The following DHX38 variants were observed in gnomAD, a reference collection of about 807,000 sequenced individuals.
The protein encoded by DHX38 is pre-mRNA-splicing factor ATP-dependent RNA helicase PRP16.
In DHX38, 100 loss-of-function variants were observed where a neutral mutation model predicts 153.1. That is an observed-to-expected ratio of 0.65 (90% CI 0.56 to 0.77). The LOEUF (loss-of-function observed/expected upper bound fraction) is 0.77. Ranked by LOEUF, DHX38 falls within the 30% of genes least tolerant of loss-of-function variation. The pLI is 0.00. For synonymous variants in DHX38, 650 were observed against 631.7 expected (o/e 1.03, Z -0.43); for missense variants, 1,440 against 1,654.0 (o/e 0.87, Z 2.24).
chr16:72,102,180 C>G (rs1449284415), intron 11 of DHX38, among the ~76,000 whole-genome samples: 4 of 152,198 alleles, frequency 2.6e-5, no homozygotes, highest in African/African-American at 9.7e-5. Context: ...TTCGAATGCC[C>G]TTATGTTCTA....
Position 72,109,395 on chromosome 16 carries a change from C to T in DHX38, c.3382-20C>T. 2 of 1,611,498 alleles carry T rather than the reference C, an allele frequency of 1.2e-6. No homozygotes were observed. The highest frequency in any genetic ancestry group is 1.7e-6 in the Non-Finnish European group (2 of 1,179,332). ...ATTGGCCCTCCTGTGACCCTCGCCTCCCTGCCCTTCTGCCCGCAGGAGTAT... is the reference window on the plus strand; with the variant it reads ...ATTGGCCCTCCTGTGACCCTCGCCTTCCTGCCCTTCTGCCCGCAGGAGTAT... On this transcript the variant is annotated intron_variant, in intron 24 of 26. Transcript: ENST00000268482.
rs2144156985 is a variant in DHX38, at chr16:72,104,302, C to T, written c.2010+171C>T. ...TGTAGTTCATGCTGTTCTTGCTCTG[C>T]TGAGGGTGGCTTGGGGTTTTCTGGG... is the stretch of plus-strand genomic sequence containing the variant. On this transcript the variant is annotated intron_variant, in intron 14 of 26. Transcript: ENST00000268482. The surrounding 1 kb of genome is among the most constrained non-coding windows in gnomAD (Gnocchi z 4.5). The T allele has an allele frequency of 8.5e-7, 1 of 1,182,160 alleles. No homozygotes were observed. Among genetic ancestry groups the T allele is most frequent in the Non-Finnish European group, 1.2e-6 (1 of 860,210 alleles). 73.2% of individuals were successfully genotyped at this position (1,182,160 alleles called of 1,614,324 possible). A position where few individuals can be genotyped will look rare whatever the true frequency, so the allele number is the denominator to read the frequency against.
intron 11 of DHX38, 27 bp from the exon 12 acceptor site, chr16:72,103,047 G>A (rs1269099808): frequency 1.2e-6 from 2 of 1,612,260 alleles, no homozygotes; most frequent in East Asian, 2.2e-5. Flanking sequence ...CACCATGCAG[G>A]GTGTTTAGGC....
chr16:72,103,814 T>C, intron 13 of DHX38, 26 bp downstream of exon 13: 2 of 1,603,184 alleles, frequency 1.2e-6, no homozygotes, highest in Non-Finnish European at 1.7e-6. Flanking sequence ...GGCTGAGCCA[T>C]GTAGTTATTC....
In DHX38 at chr16:72,104,185, A is replaced by AC; in HGVS notation, c.2010+56dup. ...CGCATGGGGTGTTGACCAGTGCACC[A>AC]CCAGTAGCTAGTGGGTTGCTCCAGG... On this transcript the variant is annotated intron_variant, in intron 14 of 26. Coordinates refer to ENST00000268482, the MANE Select transcript of DHX38 (RefSeq NM_014003.4). The surrounding 1 kb of genome is among the most constrained non-coding windows in gnomAD (Gnocchi z 4.5). 1 of 1,584,698 alleles carries AC rather than the reference A, an allele frequency of 6.3e-7. No individual in the cohort carries two copies. Among genetic ancestry groups the AC allele is most frequent in the Non-Finnish European group, 8.6e-7 (1 of 1,160,832 alleles).
In DHX38 at chr16:72,108,269, G is replaced by A. The variant is rs749679563; in HGVS notation, c.3007G>A (p.Val1003Ile). 1 of 1,614,104 alleles carries A rather than the reference G, an allele frequency of 6.2e-7. No individual in the cohort carries two copies. Among genetic ancestry groups the A allele is most frequent in the Non-Finnish European group, 8.5e-7 (1 of 1,180,022 alleles). The stretch of plus-strand genomic sequence containing the variant: ...TGATCAAATCCGGGAGAAGTTCGCT[G>A]TTCCTGAGAGCGATCATTTGACCTA... ...ESDQIREKFA[V>I]PESDHLTYLN... The change falls in exon 22 of 27, where the codon GTT (valine) becomes ATT (isoleucine). Residue 1003 changes from valine (V) to isoleucine (I), a missense_variant. By Grantham distance (29) the Val-to-Ile change is conservative. Coordinates refer to ENST00000268482, the MANE Select transcript of DHX38 (RefSeq NM_014003.4).
Position 72,107,600 on chromosome 16 carries a change from C to A in DHX38, c.2810-45C>A. On this transcript the variant is annotated intron_variant, in intron 20 of 26. Coordinates refer to ENST00000268482, the MANE Select transcript of DHX38 (RefSeq NM_014003.4). The surrounding 1 kb of genome is among the most constrained non-coding windows in gnomAD (Gnocchi z 5.3). ...GTGCTGGCGCTTGACTTCCTTCTTT[C>A]CTCTACTGTCCCGTCAAATATCCGG... The A allele has an allele frequency of 6.2e-7, 1 of 1,609,538 alleles. No homozygotes were observed. The highest frequency in any genetic ancestry group is 8.5e-7 in the Non-Finnish European group (1 of 1,176,156).
At chr16:72,111,428 C>T (rs1439278983) in intron 26 of DHX38, among the ~76,000 whole-genome samples, 1 of 152,206 alleles carries the variant, frequency 6.6e-6, no homozygotes, top group African/African-American at 2.4e-5. Context: ...TTAGGCCAGA[C>T]TTGACAGGTC....
intron 1 of DHX38, 114 bp from the exon 2 acceptor site, chr16:72,096,025 T>C: frequency 9.1e-7 from 1 of 1,098,008 alleles, no homozygotes; most frequent in South Asian, 1.7e-5. Context: ...GTAGTCCTGG[T>C]CTTAAGGGGA....
rs1374152994 is a variant in DHX38 at position 72,105,080 on chromosome 16, C to T, written c.2205C>T (p.His735=). The T allele has an allele frequency of 1.9e-6, 3 of 1,614,224 alleles. No homozygotes were observed. Among genetic ancestry groups the T allele is most frequent in the East Asian group, 2.2e-5 (1 of 44,882 alleles). The change falls in exon 16 of 27, where the codon CAC becomes CAT. Residue 735 remains histidine (H), a synonymous_variant. Coordinates refer to ENST00000268482, the MANE Select transcript of DHX38 (RefSeq NM_014003.4). The part of the protein sequence containing the change: ...EAAVKQSLQV[H]LSGAPGDILI... The stretch of plus-strand genomic sequence containing the variant: ...CAGTGAAGCAGTCCTTGCAGGTGCA[C>T]CTGTCGGGGGCCCCTGGAGACATCC...
chr16:72,105,020 G>C lies in DHX38; in HGVS notation c.2152-7G>C, dbSNP rs1280461688. On this transcript the variant is annotated splice_region_variant and splice_polypyrimidine_tract_variant and intron_variant, in intron 15 of 26. Coordinates refer to ENST00000268482, the MANE Select transcript of DHX38 (RefSeq NM_014003.4). ...TCCCTCTGACTGTGTCCCCACTGCT[G>C]TTGCAGACCCCACAGGAGGATTACG... 1 of 1,613,430 alleles carries C rather than the reference G, an allele frequency of 6.2e-7. No homozygotes were observed. Among genetic ancestry groups the C allele is most frequent in the Non-Finnish European group, 8.5e-7 (1 of 1,179,722 alleles).
At chr16:72,099,337 T>G (rs978212860) in intron 7 of DHX38, 57 bp downstream of exon 7, 230 of 1,459,906 alleles carry the variant, frequency 1.6e-4, no homozygotes, top group Non-Finnish European at 2.0e-4. Flanking sequence ...TGTAGATGGG[T>G]GACCCTCTAG....
At chr16:72,109,303 CCT>C in intron 24 of DHX38, 110 bp from the exon 25 acceptor site, 1 of 1,202,952 alleles carries the variant, frequency 8.3e-7, no homozygotes, top group Non-Finnish European at 1.2e-6. Context: ...CTTTTTTCAG[CCT>C]TGCAGGGCCA....
chr16:72,097,261 A>C, intron 3 of DHX38: 1 of 426,684 alleles, frequency 2.3e-6, no homozygotes. Flanking sequence ...AAAGGAGATA[A>C]TGGGTAAATA....
chr16:72,109,652 T>C, intron 25 of DHX38, 142 bp downstream of exon 25: 2 of 736,770 alleles, frequency 2.7e-6, no homozygotes, highest in African/African-American at 3.7e-5. Flanking sequence ...AGGCTGGGTC[T>C]GTCTGATTCC....
chr16:72,097,710 C>T lies in DHX38; in HGVS notation c.545C>T (p.Ser182Leu). The T allele has an allele frequency of 6.2e-7, 1 of 1,614,106 alleles. No individual in the cohort carries two copies. Among genetic ancestry groups the T allele is most frequent in the Non-Finnish European group, 8.5e-7 (1 of 1,179,992 alleles). Residue 182 changes from serine (S) to leucine (L), a missense_variant, in exon 4 of 27, where the codon TCA (serine) becomes TTA (leucine). By Grantham distance (145) the Ser-to-Leu change is moderately radical. Around this residue, in one of 6 missense-constraint regions of DHX38, gnomAD observed 483 missense variants for 465.1 expected, o/e 1.04. Coordinates refer to ENST00000268482, the MANE Select transcript of DHX38 (RefSeq NM_014003.4). ...ERDRSRHSSRSERDGGSERSS... is the reference protein window; with the variant it reads ...ERDRSRHSSRLERDGGSERSS... ...GATAGAAGTAGGCACAGCAGCAGAT[C>T]AGAGCGAGATGGAGGGTCAGAGCGT...
At chr16:72,108,998 T>A in intron 24 of DHX38, 73 bp downstream of exon 24, 2 of 1,516,860 alleles carry the variant, frequency 1.3e-6, no homozygotes, top group Middle Eastern at 3.6e-4. Flanking sequence ...TTCACTGCGT[T>A]CTGGCATGAG....
In DHX38 at chr16:72,100,528, C is replaced by A; in HGVS notation, c.1209C>A (p.Ala403=). ...VDEDFEEDNA[A]KVHLMVHNLV... is the part of the protein sequence containing the mutation. ...AGGACTTTGAAGAGGACAACGCGGC[C>A]AAGGTGCATCTGATGGTGCACAATC... Residue 403 remains alanine, a synonymous_variant, in exon 9 of 27, where the codon GCC becomes GCA. Transcript: ENST00000268482. 5.6e-6 allele frequency: 9 copies of A among 1,614,118 alleles called. No individual in the cohort carries two copies. Among genetic ancestry groups the A allele is most frequent in the Non-Finnish European group, 6.8e-6 (8 of 1,180,018 alleles).
chr16:72,098,822 C>T lies in DHX38; in HGVS notation c.764+30C>T, dbSNP rs756677189. The T allele has an allele frequency of 1.8e-5, 29 of 1,612,998 alleles. 1 individual carries two copies. Among genetic ancestry groups the T allele is most frequent in the South Asian group, 9.9e-5 (9 of 91,036 alleles). On this transcript the variant is annotated intron_variant, in intron 5 of 26. Transcript: ENST00000268482. ...TGTTCTGGGCAGAGCAGCCCAGTTT[C>T]GCTGGGTGGGCGGTAAGGAGCCTCG...
Sources: gnomAD v4.1 joint callset for allele counts (sites outside exome capture counted in the v4.1 genomes callset) on GRCh38, gnomAD v4.1.1 for gene constraint, gnomAD v4.1.1 regional missense constraint, Gnocchi (gnomAD v3.1) non-coding constraint, MANE v1.5 for transcripts, NCBI Gene and HGNC (gene_info 2026-07-23, HGNC 2026-07-21) for gene names.